PCDHGA3: variants seen among roughly 807,000 people sequenced by gnomAD.
PCDHGA3 encodes the protein protocadherin gamma subfamily A, 3.
In PCDHGA3, 40 loss-of-function variants were observed where a neutral mutation model predicts 58.5. The ratio of observed to expected loss-of-function variants is 0.68; its 90% CI spans 0.53 to 0.89. The LOEUF is 0.89. Among genes scored for constraint, PCDHGA3 ranks in the 40% least tolerant of loss-of-function variants. PCDHGA3 has a pLI of 0.00. For synonymous variants in PCDHGA3, 530 were observed against 525.7 expected (o/e 1.01, Z -0.11); for missense variants, 1,223 against 1,195.9 (o/e 1.02, Z -0.33).
chr5:141,360,940 C>A (rs753520735), intron 1 of PCDHGA3: 6 of 1,613,772 alleles, frequency 3.7e-6, no homozygotes, highest in South Asian at 2.2e-5. Context: ...AGCCACCGAC[C>A]GGGATGAAGG....
chr5:141,389,320 TG>T (rs764190187), intron 1 of PCDHGA3: 2 of 1,613,848 alleles, frequency 1.2e-6, no homozygotes, highest in Non-Finnish European at 1.7e-6. Flanking sequence ...GATCCGGACT[TG>T]GGGCCCAACG....
chr5:141,466,118 G>A lies in PCDHGA3; in HGVS notation c.2425-28689G>A, dbSNP rs1299389265. ...GCCTGGGCAACAGAGTGAGACTCCA[G>A]CTCAAAAAAAAAATCAAGTGAAAAC... On this transcript the variant is annotated intron_variant, in intron 1 of 3. Coordinates refer to ENST00000253812, the MANE Select transcript of PCDHGA3 (RefSeq NM_018916.4). Among the ~76,000 whole-genome samples the A allele has an allele frequency of 2.0e-5, 3 of 151,096 alleles. No individual in the cohort carries two copies. The East Asian group carries it at 5.8e-4, about 29-fold the overall frequency.
In PCDHGA3 at chr5:141,487,169, G is replaced by A. The variant is rs1259980100; in HGVS notation, c.2425-7638G>A. On this transcript the variant is annotated intron_variant, in intron 1 of 3. Coordinates refer to ENST00000253812, the MANE Select transcript of PCDHGA3 (RefSeq NM_018916.4). The surrounding 1 kb of genome is among the most constrained non-coding windows in gnomAD (Gnocchi z 5.0). ...CTCTGTTACTCTCTTAGTGTCCTTA[G>A]AGGAAGACACTCATCCAGTTGTCCC... 6.2e-7 allele frequency: 1 copy of A among 1,613,086 alleles called. No homozygotes were observed. Among genetic ancestry groups the A allele is most frequent in the South Asian group, 1.1e-5 (1 of 91,072 alleles).
chr5:141,502,491 T>G lies in PCDHGA3; in HGVS notation c.2484-2902T>G, dbSNP rs557202239. Among the ~76,000 whole-genome samples, 1,415 of 152,344 alleles carry G rather than the reference T, an allele frequency of 9.3e-3. 29 individuals carry two copies. The highest frequency in any genetic ancestry group is 0.033 in the African/African-American group (1,352 of 41,578). ...TCCCGCAGCATCACACTGGGACTCA[T>G]CTAACGTCGGCCTGTCCCACTATCA... is the stretch of plus-strand genomic sequence containing the variant. On this transcript the variant is annotated intron_variant, in intron 2 of 3. Transcript: ENST00000253812.
intron 1 of PCDHGA3, chr5:141,421,454 T>C: frequency 6.2e-7 from 1 of 1,614,132 alleles, no homozygotes; most frequent in Non-Finnish European, 8.5e-7. Flanking sequence ...ACACAGCTTT[T>C]CGCTGTGAAT....
chr5:141,421,477 A>G (rs755936665), intron 1 of PCDHGA3: 23 of 1,614,022 alleles, frequency 1.4e-5, no homozygotes, highest in Non-Finnish European at 1.7e-6. Context: ...GCGAAGCGGC[A>G]GCTTGATCAC....
At chr5:141,505,816 C>A (rs1236221927) in intron 3 of PCDHGA3, among the ~76,000 whole-genome samples, 2 of 152,178 alleles carry the variant, frequency 1.3e-5, no homozygotes, top group African/African-American at 4.8e-5. Flanking sequence ...CTTGCTCAAT[C>A]TCTCTAAACC....
At chr5:141,376,518 T>G in intron 1 of PCDHGA3, 1 of 1,613,924 alleles carries the variant, frequency 6.2e-7, no homozygotes, top group Non-Finnish European at 8.5e-7. Context: ...GTGAGTTTCT[T>G]TCCGCCTAAG....
At chr5:141,408,392 C>G in intron 1 of PCDHGA3, 1 of 1,614,002 alleles carries the variant, frequency 6.2e-7, no homozygotes, top group South Asian at 1.1e-5. Context: ...TGTGTCGGCT[C>G]GCAAGCTGCG....
intron 1 of PCDHGA3, chr5:141,366,169 G>A (rs1281971399): frequency 6.2e-7 from 1 of 1,613,962 alleles, no homozygotes; most frequent in Non-Finnish European, 8.5e-7. Flanking sequence ...AGGCCAGCGA[G>A]CCAGGACTCT....
At chr5:141,462,980 G>T (rs1249102130) in intron 1 of PCDHGA3, among the ~76,000 whole-genome samples, 1 of 152,006 alleles carries the variant, frequency 6.6e-6, no homozygotes, top group Non-Finnish European at 1.5e-5. Flanking sequence ...AGTAACTTTT[G>T]CCTTGGGCTA....
At chr5:141,415,447 T>C in intron 1 of PCDHGA3, 1 of 1,614,200 alleles carries the variant, frequency 6.2e-7, no homozygotes, top group South Asian at 1.1e-5. Context: ...GCAGACCTAT[T>C]CCCACGAGGT....
At chr5:141,482,235 T>C (rs2099554999) in intron 1 of PCDHGA3, among the ~76,000 whole-genome samples, 1 of 152,174 alleles carries the variant, frequency 6.6e-6, no homozygotes, top group Non-Finnish European at 1.5e-5. Context: ...AAATTGCCAA[T>C]ATAAGTATAG....
At position 141,511,542 on chromosome 5, in the gene PCDHGA3, A is replaced by C; in HGVS notation, c.*369A>C. The stretch of plus-strand genomic sequence containing the variant: ...CCCATGCCTCCCTCCTCCCCACCCC[A>C]CTCCAACAGTTCCTCTTTCCCGAGT... On this transcript the variant is annotated 3_prime_UTR_variant, in exon 4 of 4. Coordinates refer to ENST00000253812, the MANE Select transcript of PCDHGA3 (RefSeq NM_018916.4). 6.6e-6 allele frequency: 2 copies of C among 302,184 alleles called. No homozygotes were observed. The highest frequency in any genetic ancestry group is 3.7e-5 in the South Asian group (1 of 26,678). The allele number at this position is 302,184 out of a possible 1,614,324, so 18.7% of individuals were successfully genotyped here. A position where few individuals can be genotyped will look rare whatever the true frequency, so the allele number is the denominator to read the frequency against.
intron 1 of PCDHGA3, among the ~76,000 whole-genome samples, chr5:141,469,739 A>G (rs1352751978): frequency 1.3e-5 from 2 of 152,262 alleles, no homozygotes; most frequent in African/African-American, 4.8e-5. Flanking sequence ...TACACACCTC[A>G]AAAATTACAA....
Position 141,475,143 on chromosome 5 carries a change from T to TC in PCDHGA3, c.2425-19662dup, listed in dbSNP as rs372338581. On this transcript the variant is annotated intron_variant, in intron 1 of 3. Transcript: ENST00000253812. ...GGCTTTTTTTCTTTTTGAAATCTTC[T>TC]CCGTCTTCTTCTTCATTAGCAGTGC... Among the ~76,000 whole-genome samples the TC allele has an allele frequency of 4.9e-3, 751 of 152,356 alleles. 5 individuals carry two copies. Among genetic ancestry groups the TC allele is most frequent in the Non-Finnish European group, 6.5e-3 (439 of 68,034 alleles).
intron 1 of PCDHGA3, among the ~76,000 whole-genome samples, chr5:141,462,825 C>T (rs1040054698): frequency 4.6e-5 from 7 of 152,124 alleles, no homozygotes; most frequent in Admixed American, 3.9e-4. Context: ...GGACAGCAGA[C>T]ATTGTAAATG....
chr5:141,405,333 CTGTT>C (rs1203111813), intron 1 of PCDHGA3: 18 of 1,614,204 alleles, frequency 1.1e-5, no homozygotes, highest in Non-Finnish European at 1.4e-5. Flanking sequence ...TTGTGCGTCT[CTGTT>C]GATTCCAAGT....
chr5:141,392,248 A>G (rs2092491180), intron 1 of PCDHGA3: 3 of 152,220 alleles, frequency 2.0e-5, no homozygotes, highest in Admixed American at 2.0e-4. Flanking sequence ...ATTTGTTAGT[A>G]TATATTGGAG....
Sources: allele counts gnomAD v4.1 joint callset (sites outside exome capture counted in the v4.1 genomes callset), GRCh38; gene constraint gnomAD v4.1.1; non-coding constraint Gnocchi (gnomAD v3.1); transcripts MANE v1.5; gene names NCBI Gene and HGNC (gene_info 2026-07-23, HGNC 2026-07-21).